The following ZNF18 variants were observed in gnomAD, a reference collection of about 807,000 sequenced individuals.
ZNF18 encodes the protein heart development-specific gene 1 protein.
ZNF18 carries 42 observed loss-of-function variants against 58.1 expected under a neutral mutation model. That is an observed-to-expected ratio of 0.72 (90% CI 0.56 to 0.93). The LOEUF (loss-of-function observed/expected upper bound fraction) is 0.93. Ranked by LOEUF, ZNF18 falls within the 40% of genes least tolerant of loss-of-function variation. The pLI is 0.00. For missense variants in ZNF18, 540 were observed against 644.2 expected (o/e 0.84, Z 1.75); for synonymous variants, 231 against 239.8 (o/e 0.96, Z 0.34).
chr17:11,992,991 G>C (rs1968228600), intron 1 of ZNF18, 80 bp from the exon 2 acceptor site: 1 of 783,712 alleles, frequency 1.3e-6, no homozygotes, highest in Non-Finnish European at 2.0e-6. Flanking sequence ...TGCCCTACCC[G>C]AGAAGCCATG....
chr17:11,991,131 T>C lies in ZNF18; in HGVS notation c.420A>G (p.Leu140=). Residue 140 remains leucine (L), a synonymous_variant, in exon 3 of 7, where the codon TTA becomes TTG. Transcript: ENST00000580306. The stretch of plus-strand genomic sequence containing the variant: ...AGCTTGGAGATTCCATCTTCTCTGA[T>C]AAGATGTCCTGTCCTAGAACCTGGA... ...ISIQVLGQDI[L]SEKMESPSCQ... is the part of the protein sequence containing the mutation. The C allele has an allele frequency of 6.2e-7, 1 of 1,614,186 alleles. No individual in the cohort carries two copies. Among genetic ancestry groups the C allele is most frequent in the South Asian group, 1.1e-5 (1 of 91,084 alleles).
At chr17:11,989,964 T>C (rs982739996) in intron 4 of ZNF18, among the ~76,000 whole-genome samples, 8 of 152,124 alleles carry the variant, frequency 5.3e-5, no homozygotes, top group African/African-American at 7.2e-5. Flanking sequence ...GTGGGACAAC[T>C]TGAAGAGCTC....
chr17:12,010,876 A>T, the ZNF18 span: 1 of 506,886 alleles, frequency 2.0e-6, no homozygotes, highest in Non-Finnish European at 3.6e-6. Flanking sequence ...TGTCTTCTTT[A>T]GTTTTCTGAT....
intron 1 of ZNF18, among the ~76,000 whole-genome samples, chr17:11,993,123 C>A (rs569370331): frequency 7.2e-5 from 11 of 152,284 alleles, no homozygotes; most frequent in African/African-American, 2.6e-4. Context: ...CATTTCCCTG[C>A]CCATTTTATA....
chr17:11,982,773 C>T (rs114243790), intron 6 of ZNF18, among the ~76,000 whole-genome samples: 1,638 of 150,914 alleles, frequency 0.011, 33 homozygotes, highest in African/African-American at 0.038. Flanking sequence ...GACTATTTTA[C>T]AAGATAACAA....
intron 4 of ZNF18, among the ~76,000 whole-genome samples, chr17:11,988,804 T>C (rs1205822207): frequency 6.7e-6 from 1 of 150,364 alleles, no homozygotes; most frequent in Non-Finnish European, 1.5e-5. Context: ...CCCACCAATG[T>C]GATACCCAAT....
the ZNF18 span, among the ~76,000 whole-genome samples, chr17:12,016,619 T>C: frequency 6.6e-6 from 1 of 151,976 alleles, no homozygotes. Flanking sequence ...CATGAGCCAC[T>C]GTGCCCAGTC....
the ZNF18 span, chr17:12,010,939 A>G: frequency 1.6e-6 from 1 of 637,584 alleles, no homozygotes; most frequent in Non-Finnish European, 2.9e-6. Flanking sequence ...CGTGCTTAAC[A>G]TGCCCAATAC....
chr17:11,993,225 C>T (rs1300769662), intron 1 of ZNF18, among the ~76,000 whole-genome samples: 1 of 152,124 alleles, frequency 6.6e-6, no homozygotes, highest in Non-Finnish European at 1.5e-5. Context: ...AGGTAAACGG[C>T]TCTTCTACAA....
chr17:11,993,135 T>C (rs1968241297), intron 1 of ZNF18, among the ~76,000 whole-genome samples: 2 of 152,344 alleles, frequency 1.3e-5, no homozygotes, highest in African/African-American at 2.4e-5. Flanking sequence ...CATTTTATAA[T>C]GTTCTTTCTT....
chr17:11,985,544 A>G lies in ZNF18; in HGVS notation c.667-1347T>C, dbSNP rs531787784. ...CTTTTTTTATTTATAGTATTTATCC[A>G]TTTATTAACTATTTATGTGTATGTA... On this transcript the variant is annotated intron_variant, in intron 4 of 6. Coordinates refer to ENST00000580306, the MANE Select transcript of ZNF18 (RefSeq NM_001303281.2). 3.1e-4 allele frequency among the ~76,000 whole-genome samples: 45 copies of G among 146,042 alleles called. 1 individual carries two copies. Among genetic ancestry groups the G allele is most frequent in the African/African-American group, 1.1e-3 (44 of 41,120 alleles).
intron 1 of ZNF18, among the ~76,000 whole-genome samples, chr17:11,994,970 C>CAGGAGA (rs1180829860): frequency 6.6e-6 from 1 of 152,184 alleles, no homozygotes; most frequent in African/African-American, 2.4e-5. Flanking sequence ...GGACAAGGAA[C>CAGGAGA]AGGAGAAGGA....
At chr17:11,997,527 C>G (rs996419447), upstream of ZNF18, 3 of 152,258 alleles carry the variant, frequency 2.0e-5, no homozygotes, top group African/African-American at 7.2e-5. Context: ...CCGGGCGGAG[C>G]TAGGGGGCGG....
intron 4 of ZNF18, among the ~76,000 whole-genome samples, chr17:11,987,647 C>G (rs1967836711): frequency 6.6e-6 from 1 of 152,118 alleles, no homozygotes; most frequent in Non-Finnish European, 1.5e-5. Context: ...TTTAAGTTAT[C>G]CAGAACAGGT....
chr17:12,009,392 G>C, the ZNF18 span, among the ~76,000 whole-genome samples: 1 of 151,618 alleles, frequency 6.6e-6, no homozygotes, highest in Non-Finnish European at 1.5e-5. Flanking sequence ...AGGGTCCTAT[G>C]GTCCTCCATG....
chr17:11,981,166 T>C (rs115584936), intron 6 of ZNF18, among the ~76,000 whole-genome samples: 2,326 of 152,264 alleles, frequency 0.015, 60 homozygotes, highest in African/African-American at 0.051. Context: ...ATTTGGTTAC[T>C]GTGACTTCCA....
At chr17:11,980,814 C>A (rs1182032281) in intron 6 of ZNF18, among the ~76,000 whole-genome samples, 1 of 152,160 alleles carries the variant, frequency 6.6e-6, no homozygotes, top group South Asian at 2.1e-4. Flanking sequence ...CAGAATCACA[C>A]TATTTTAATG....
At chr17:12,009,384 G>A in the ZNF18 span, among the ~76,000 whole-genome samples, 1 of 151,648 alleles carries the variant, frequency 6.6e-6, no homozygotes, top group African/African-American at 2.4e-5. Flanking sequence ...TAGAAAACAG[G>A]GTCCTATGGT....
chr17:11,980,688 G>C (rs1967283883), intron 6 of ZNF18, among the ~76,000 whole-genome samples: 1 of 151,992 alleles, frequency 6.6e-6, no homozygotes, highest in Non-Finnish European at 1.5e-5. Context: ...CACAGTGCTG[G>C]GATTACAGAC....
Sources: allele counts gnomAD v4.1 joint callset (sites outside exome capture counted in the v4.1 genomes callset), GRCh38; gene constraint gnomAD v4.1.1; transcripts MANE v1.5; gene names NCBI Gene and HGNC (gene_info 2026-07-23, HGNC 2026-07-21).